SGCD: variants seen among roughly 807,000 people sequenced by gnomAD.
The protein encoded by SGCD is delta-sarcoglycan.
In SGCD, 18 loss-of-function variants were observed where a neutral mutation model predicts 36.6. The ratio of observed to expected loss-of-function variants is 0.49; its 90% CI spans 0.34 to 0.73. The LOEUF is 0.73. SGCD is among the 30% of genes least tolerant of loss of function. SGCD has a pLI of 0.01. For synonymous variants in SGCD, 133 were observed against 130.6 expected (o/e 1.02, Z -0.12); for missense variants, 387 against 346.7 (o/e 1.12, Z -0.92).
At chr5:155,860,673 T>A in the SGCD span, among the ~76,000 whole-genome samples, 1,616 of 152,312 alleles carry the variant, frequency 0.011, 29 homozygotes, top group South Asian at 0.093. Flanking sequence ...TGCAAAGTAT[T>A]CTTGATGAGA....
intron 7 of SGCD, among the ~76,000 whole-genome samples, chr5:156,708,454 T>G (rs1754837829): frequency 1.3e-5 from 2 of 152,138 alleles, no homozygotes; most frequent in South Asian, 4.1e-4. Context: ...GTCCTCCCTT[T>G]GACTTATTAA....
chr5:156,630,585 C>T (rs1459453316), intron 6 of SGCD, among the ~76,000 whole-genome samples: 5 of 152,178 alleles, frequency 3.3e-5, no homozygotes, highest in African/African-American at 4.8e-5. Flanking sequence ...TTGTTGTCCT[C>T]AAGTTGTTAG....
intron 7 of SGCD, among the ~76,000 whole-genome samples, chr5:156,671,979 C>T (rs376703337): frequency 6.6e-6 from 1 of 152,128 alleles, no homozygotes; most frequent in East Asian, 1.9e-4. Flanking sequence ...ACTGTGAAGG[C>T]ACAGTAGAGT....
intron 1 of SGCD, among the ~76,000 whole-genome samples, chr5:156,094,423 C>T (rs1304225916): frequency 6.6e-6 from 1 of 152,200 alleles, no homozygotes; most frequent in Non-Finnish European, 1.5e-5. Context: ...GCTCCCTTAT[C>T]CTCCCATCCC....
intron 6 of SGCD, among the ~76,000 whole-genome samples, chr5:156,645,477 A>T (rs1763191926): frequency 6.6e-6 from 1 of 152,136 alleles, no homozygotes. Context: ...TTGTTTTGAG[A>T]AGAAAGGTGA....
intron 3 of SGCD, among the ~76,000 whole-genome samples, chr5:156,445,831 C>T (rs534751052): frequency 1.8e-4 from 27 of 152,198 alleles, no homozygotes; most frequent in South Asian, 1.5e-3. Flanking sequence ...CACACACATA[C>T]GCACCCATGC....
intron 1 of SGCD, among the ~76,000 whole-genome samples, chr5:155,883,810 A>AAG (rs1554102105): frequency 8.6e-5 from 13 of 151,758 alleles, no homozygotes; most frequent in Admixed American, 6.6e-4. Flanking sequence ...AAAAAAAAAA[A>AAG]AAAAGAAAAG....
intron 7 of SGCD, among the ~76,000 whole-genome samples, chr5:156,701,177 A>G (rs1451960041): frequency 6.6e-6 from 1 of 152,164 alleles, no homozygotes; most frequent in Non-Finnish European, 1.5e-5. Context: ...CCAACAGGTA[A>G]ATCAAATGCT....
chr5:156,391,402 A>G (rs1381090273), intron 3 of SGCD, among the ~76,000 whole-genome samples: 1 of 152,238 alleles, frequency 6.6e-6, no homozygotes. Context: ...GGCTGTATAT[A>G]CAGTCAGCCC....
chr5:156,139,370 A>G (rs1432631807), intron 3 of SGCD, among the ~76,000 whole-genome samples: 1 of 152,168 alleles, frequency 6.6e-6, no homozygotes. Context: ...TACAGTTCAA[A>G]TTCAATATGT....
chr5:155,853,765 A>G, the SGCD span, among the ~76,000 whole-genome samples: 1 of 152,196 alleles, frequency 6.6e-6, no homozygotes, highest in Non-Finnish European at 1.5e-5. Flanking sequence ...TAATTTCAAA[A>G]TGAGTATTTT....
chr5:155,940,562 A>G (rs1382621311), intron 1 of SGCD, among the ~76,000 whole-genome samples: 4 of 152,154 alleles, frequency 2.6e-5, no homozygotes, highest in Non-Finnish European at 4.4e-5. Flanking sequence ...AAAAACATTA[A>G]CGGCTGGGCT....
chr5:155,906,102 TA>T (rs1462784317), intron 1 of SGCD, among the ~76,000 whole-genome samples: 2 of 152,162 alleles, frequency 1.3e-5, no homozygotes, highest in Non-Finnish European at 2.9e-5. Flanking sequence ...TCATTATTAT[TA>T]TATCTGATAT....
intron 4 of SGCD, among the ~76,000 whole-genome samples, chr5:156,578,395 C>G (rs1317897476): frequency 6.6e-6 from 1 of 152,104 alleles, no homozygotes; most frequent in Non-Finnish European, 1.5e-5. Context: ...AGTGTCTCTG[C>G]CAGGCTTTGA....
intron 3 of SGCD, among the ~76,000 whole-genome samples, chr5:156,419,533 G>C (rs1773205132): frequency 6.6e-6 from 1 of 152,134 alleles, no homozygotes; most frequent in Non-Finnish European, 1.5e-5. Context: ...CTGCCACTCA[G>C]AATGACACCT....
At chr5:156,108,926 C>A (rs77690622) in intron 1 of SGCD, among the ~76,000 whole-genome samples, 1 of 152,094 alleles carries the variant, frequency 6.6e-6, no homozygotes, top group Admixed American at 6.6e-5. Context: ...AAAAATGGAA[C>A]CTTTGTATTA....
intron 3 of SGCD, among the ~76,000 whole-genome samples, chr5:156,302,779 A>G (rs1256031702): frequency 1.3e-5 from 2 of 152,120 alleles, no homozygotes; most frequent in Non-Finnish European, 2.9e-5. Flanking sequence ...AATTCCCTGT[A>G]TTACCAACTT....
chr5:156,284,036 G>A (rs1766527556), intron 3 of SGCD, among the ~76,000 whole-genome samples: 3 of 152,086 alleles, frequency 2.0e-5, no homozygotes, highest in African/African-American at 7.2e-5. Flanking sequence ...AGTCAAGAAA[G>A]GGTATGAAAT....
intron 1 of SGCD, among the ~76,000 whole-genome samples, chr5:156,040,744 A>G (rs1310664970): frequency 2.6e-5 from 4 of 152,142 alleles, no homozygotes; most frequent in Admixed American, 6.5e-5. Flanking sequence ...ATTTCCACTT[A>G]GATAACATTT....
Sources: allele counts gnomAD v4.1 joint callset (sites outside exome capture counted in the v4.1 genomes callset), GRCh38; gene constraint gnomAD v4.1.1; transcripts MANE v1.5; gene names NCBI Gene and HGNC (gene_info 2026-07-23, HGNC 2026-07-21).